Variants in FOCAD observed in about 807,000 individuals in gnomAD.
The protein encoded by FOCAD is KIAA1797.
Under a neutral mutation model 225.6 loss-of-function variants are expected in FOCAD, and 198 were observed. The observed-to-expected ratio is 0.88, with a 90% CI of 0.78 to 0.99. The LOEUF is 0.99. Among genes scored for constraint, FOCAD ranks in the 50% least tolerant of loss-of-function variants. The pLI, the probability that FOCAD is intolerant of heterozygous loss-of-function variation, is 0.00. For synonymous variants in FOCAD, 897 were observed against 755.0 expected, an observed-to-expected ratio of 1.19 and a Z score of -3.08; for missense variants, 2,713 against 2,123.6, an observed-to-expected ratio of 1.28 and a Z score of -5.46.
chr9:20,799,925 G>A (rs1326559220), intron 11 of FOCAD, among the ~76,000 whole-genome samples: 1 of 152,116 alleles, frequency 6.6e-6, no homozygotes, highest in African/African-American at 2.4e-5. Flanking sequence ...GTTAGTTGAT[G>A]CAGTTTCTTC....
chr9:20,759,607 C>A (rs1444252049), intron 6 of FOCAD, among the ~76,000 whole-genome samples: 1 of 152,138 alleles, frequency 6.6e-6, no homozygotes, highest in Non-Finnish European at 1.5e-5. Flanking sequence ...ACCATAAAAA[C>A]CGTAGAAGAA....
chr9:20,812,569 G>A (rs1377642704), intron 11 of FOCAD, among the ~76,000 whole-genome samples: 2 of 151,904 alleles, frequency 1.3e-5, no homozygotes, highest in Non-Finnish European at 2.9e-5. Flanking sequence ...TGAGATGCTG[G>A]TTTGTGTCTC....
chr9:20,962,814 C>G (rs1838876453), intron 35 of FOCAD, among the ~76,000 whole-genome samples: 1 of 152,206 alleles, frequency 6.6e-6, no homozygotes, highest in Non-Finnish European at 1.5e-5. Flanking sequence ...TAGGCCTTCT[C>G]AGTTCCAAAT....
chr9:20,717,408 A>C (rs934873927), intron 2 of FOCAD, among the ~76,000 whole-genome samples: 9 of 152,224 alleles, frequency 5.9e-5, no homozygotes, highest in African/African-American at 2.2e-4. Context: ...CAGTGTGATG[A>C]AGCATGGTGG....
intron 27 of FOCAD, 24 bp downstream of exon 27, chr9:20,929,620 G>A: frequency 6.3e-7 from 1 of 1,597,760 alleles, no homozygotes; most frequent in Non-Finnish European, 8.6e-7. Flanking sequence ...AAATATTCCT[G>A]CTTTTCTTCT....
intron 21 of FOCAD, among the ~76,000 whole-genome samples, chr9:20,896,567 C>CT (rs922939808): frequency 2.6e-5 from 4 of 151,844 alleles, no homozygotes; most frequent in Admixed American, 1.3e-4. Flanking sequence ...AATAATATAT[C>CT]TTTTTTTCAT....
At chr9:20,705,737 T>C (rs4977582) in intron 1 of FOCAD, among the ~76,000 whole-genome samples, 129,475 of 150,892 alleles carry the variant, frequency 0.86, 55,612 homozygotes, top group Admixed American at 0.9. Context: ...AAAAAAAAAG[T>C]CAACTTTGAA....
chr9:20,697,367 C>A (rs547086770), intron 1 of FOCAD, among the ~76,000 whole-genome samples: 1 of 152,324 alleles, frequency 6.6e-6, no homozygotes, highest in East Asian at 1.9e-4. Context: ...TTTCCCAAAC[C>A]CTGTAGGACT....
intron 7 of FOCAD, 123 bp from the exon 8 acceptor site, chr9:20,769,909 C>A: frequency 1.2e-6 from 1 of 806,532 alleles, no homozygotes; most frequent in Non-Finnish European, 1.9e-6. Context: ...AACTTTTTTT[C>A]ATCTCCTTTA....
intron 31 of FOCAD, 101 bp downstream of exon 31, chr9:20,948,494 G>C: frequency 1.6e-6 from 2 of 1,282,470 alleles, no homozygotes; most frequent in Non-Finnish European, 2.1e-6. Context: ...TACGTTAATG[G>C]TAAAAGAATA....
intron 8 of FOCAD, among the ~76,000 whole-genome samples, chr9:20,778,441 C>T (rs1021140737): frequency 6.6e-6 from 1 of 152,182 alleles, no homozygotes; most frequent in South Asian, 2.1e-4. Context: ...GGGCTGGTCT[C>T]GAACTTCTGA....
At chr9:20,737,967 T>C (rs1247259489) in intron 4 of FOCAD, among the ~76,000 whole-genome samples, 4 of 152,178 alleles carry the variant, frequency 2.6e-5, no homozygotes. Context: ...CAGGTCTTTG[T>C]AAAGGAAGGT....
intron 41 of FOCAD, 87 bp from the exon 42 acceptor site, chr9:20,990,036 C>T (rs1841507359): frequency 6.6e-7 from 1 of 1,509,204 alleles, no homozygotes; most frequent in Non-Finnish European, 9.1e-7. Context: ...GATGACATTG[C>T]CTCACGACAG....
chr9:20,893,114 C>T (rs1320705418), intron 21 of FOCAD, among the ~76,000 whole-genome samples: 1 of 152,132 alleles, frequency 6.6e-6, no homozygotes, highest in East Asian at 1.9e-4. Context: ...CAGCCTCCAA[C>T]TCCTGGGCCC....
chr9:20,787,839 C>T (rs775945899), intron 10 of FOCAD, among the ~76,000 whole-genome samples: 2 of 152,060 alleles, frequency 1.3e-5, no homozygotes, highest in African/African-American at 2.4e-5. Context: ...ATTGGTAGCA[C>T]TCGAGTCATA....
chr9:20,848,856 T>C (rs10811415), intron 15 of FOCAD, among the ~76,000 whole-genome samples: 125,121 of 151,688 alleles, frequency 0.82, 51,763 homozygotes, highest in Admixed American at 0.88. Flanking sequence ...ATACTTAAGT[T>C]GCTTCTATTA....
chr9:20,955,389 CAT>C (rs1374117257), intron 35 of FOCAD, among the ~76,000 whole-genome samples: 4 of 152,132 alleles, frequency 2.6e-5, no homozygotes, highest in Non-Finnish European at 5.9e-5. Flanking sequence ...CTTTAGTACT[CAT>C]GTGATAGAAC....
intron 8 of FOCAD, among the ~76,000 whole-genome samples, chr9:20,771,353 C>A (rs1011562383): frequency 6.6e-6 from 1 of 152,148 alleles, no homozygotes; most frequent in Non-Finnish European, 1.5e-5. Context: ...TGTGGAAGAT[C>A]TTTCTCGTAG....
At chr9:20,884,074 T>C (rs1244549757) in intron 20 of FOCAD, among the ~76,000 whole-genome samples, 1 of 152,220 alleles carries the variant, frequency 6.6e-6, no homozygotes, top group Non-Finnish European at 1.5e-5. Flanking sequence ...GGGACCCATG[T>C]TATCATGTGT....
Sources: allele counts gnomAD v4.1 joint callset (sites outside exome capture counted in the v4.1 genomes callset), GRCh38; gene constraint gnomAD v4.1.1; transcripts MANE v1.5; gene names NCBI Gene and HGNC (gene_info 2026-07-23, HGNC 2026-07-21).